The following NPL variants were observed in gnomAD, a reference collection of about 807,000 sequenced individuals.
NPL encodes the protein N-acetylneuraminate pyruvate lyase.
NPL carries 32 observed loss-of-function variants against 41.1 expected under a neutral mutation model. The ratio of observed to expected loss-of-function variants is 0.78; its 90% CI spans 0.59 to 1.05. The LOEUF is 1.05. Ranked by LOEUF, NPL falls within the 50% of genes least tolerant of loss-of-function variation. The pLI, the probability that NPL is intolerant of heterozygous loss-of-function variation, is 0.00. For synonymous variants in NPL, 128 were observed against 134.9 expected (o/e 0.95, Z 0.35); for missense variants, 321 against 378.4 (o/e 0.85, Z 1.26).
At chr1:182,804,980 G>A (rs1666963523) in intron 4 of NPL, among the ~76,000 whole-genome samples, 1 of 152,000 alleles carries the variant, frequency 6.6e-6, no homozygotes, top group Non-Finnish European at 1.5e-5. Context: ...TCAAAGAAGT[G>A]GTTAAAAATA....
intron 8 of NPL, among the ~76,000 whole-genome samples, chr1:182,817,761 A>G (rs1331613516): frequency 1.3e-5 from 2 of 149,022 alleles, no homozygotes; most frequent in Non-Finnish European, 2.9e-5. Flanking sequence ...ACAGATAAAC[A>G]ACCAGAGAAG....
At chr1:182,811,263 C>T (rs1301076551) in intron 5 of NPL, among the ~76,000 whole-genome samples, 1 of 151,950 alleles carries the variant, frequency 6.6e-6, no homozygotes, top group Non-Finnish European at 1.5e-5. Flanking sequence ...TGGTCTTGCT[C>T]TGTTGCCCAG....
At chr1:182,807,805 G>GGC (rs1215637690) in intron 5 of NPL, among the ~76,000 whole-genome samples, 1 of 150,822 alleles carries the variant, frequency 6.6e-6, no homozygotes, top group East Asian at 1.9e-4. Flanking sequence ...GCAGGAGAAT[G>GGC]GCGTGAACCT....
intron 8 of NPL, among the ~76,000 whole-genome samples, chr1:182,818,011 C>T (rs1011652591): frequency 5.3e-5 from 8 of 152,184 alleles, no homozygotes; most frequent in Non-Finnish European, 1.2e-4. Context: ...AGTTCCACCC[C>T]TCTAAGTACA....
Position 182,818,866 on chromosome 1 carries a change from A to G in NPL, c.653+7A>G. ...CAACTGGAGCAGTGGGCAGGTAAGC[A>G]TGACTCATTTTTCCCAGTGGTTATA... On this transcript the variant is annotated splice_region_variant and intron_variant, in intron 10 of 12. Coordinates refer to ENST00000367553, the MANE Select transcript of NPL (RefSeq NM_030769.3). The G allele has an allele frequency of 6.2e-7, 1 of 1,613,908 alleles. No homozygotes were observed. The highest frequency in any genetic ancestry group is 8.5e-7 in the Non-Finnish European group (1 of 1,179,762).
intron 4 of NPL, 79 bp downstream of exon 4, chr1:182,803,850 G>C: frequency 9.8e-7 from 1 of 1,021,536 alleles, no homozygotes; most frequent in South Asian, 1.3e-5. Flanking sequence ...TACCAGCCAA[G>C]AGGTCACACA....
intron 10 of NPL, among the ~76,000 whole-genome samples, chr1:182,821,902 C>T (rs1007997264): frequency 5.3e-5 from 8 of 152,164 alleles, no homozygotes; most frequent in African/African-American, 1.7e-4. Context: ...TCCTTTATCC[C>T]CTTTTGCCTG....
At chr1:182,821,587 G>A (rs1667487766) in intron 10 of NPL, among the ~76,000 whole-genome samples, 1 of 152,090 alleles carries the variant, frequency 6.6e-6, no homozygotes, top group Non-Finnish European at 1.5e-5. Context: ...AATATAATAG[G>A]CACTTAGTAA....
In NPL at chr1:182,824,686, A is replaced by G. The variant is rs187075731; in HGVS notation, c.739-1095A>G. Among the ~76,000 whole-genome samples, 466 of 152,198 alleles carry G rather than the reference A, an allele frequency of 3.1e-3. 2 individuals are homozygous for G. Among genetic ancestry groups the G allele is most frequent in the African/African-American group, 0.01 (433 of 41,534 alleles). ...GTGGCGGGCGCCTGTAGTCCCAGCT[A>G]CTTGGGAGGGTGAGGCAGGAGAATG... On this transcript the variant is annotated intron_variant, in intron 11 of 12. Coordinates refer to ENST00000367553, the MANE Select transcript of NPL (RefSeq NM_030769.3).
At chr1:182,797,405 A>G (rs944887615) in intron 3 of NPL, among the ~76,000 whole-genome samples, 2 of 152,188 alleles carry the variant, frequency 1.3e-5, no homozygotes, top group Non-Finnish European at 2.9e-5. Context: ...GCATTTTAAC[A>G]GTGTCCCAGA....
At chr1:182,806,505 C>G in intron 5 of NPL, 1 of 1,536,246 alleles carries the variant, frequency 6.5e-7, no homozygotes, top group Non-Finnish European at 8.7e-7. Flanking sequence ...CCAGTCCCCT[C>G]ACAGTTACCC....
chr1:182,829,171 A>G lies in NPL; in HGVS notation c.*263A>G. 1 of 1,323,024 alleles carries G rather than the reference A, an allele frequency of 7.6e-7. No homozygotes were observed. The highest frequency in any genetic ancestry group is 9.6e-7 in the Non-Finnish European group (1 of 1,037,670). The allele number at this position is 1,323,024 out of a possible 1,614,324, so 82.0% of individuals were successfully genotyped here. ...CTGTTTATATGGATGAAATGGAATCAAGAGGAAAATTGTAATTGATTAATT... is the reference window on the plus strand; with the variant it reads ...CTGTTTATATGGATGAAATGGAATCGAGAGGAAAATTGTAATTGATTAATT... On this transcript the variant is annotated 3_prime_UTR_variant, in exon 13 of 13. Transcript: ENST00000367553.
intron 11 of NPL, among the ~76,000 whole-genome samples, chr1:182,824,436 T>G (rs1667574847): frequency 1.3e-5 from 2 of 152,208 alleles, no homozygotes; most frequent in Admixed American, 1.3e-4. Flanking sequence ...AAAACAAATA[T>G]GTTAAGCATT....
At chr1:182,794,233 C>T (rs572438168) in intron 2 of NPL, 123 bp from the exon 3 acceptor site, 5 of 860,860 alleles carry the variant, frequency 5.8e-6, no homozygotes, top group African/African-American at 1.7e-5. Context: ...CTTGTACTTG[C>T]TCTGTGTGTT....
In NPL at chr1:182,806,227, G is replaced by T. The variant is rs1482398610; in HGVS notation, c.225G>T (p.Lys75Asn). Reference sequence around the variant, plus strand: ...CAGAGGAGTGGGTGACAAAAGGGAAGGACAAGTGAGTGGCTGCATGAGGAT... The same window carrying T: ...CAGAGGAGTGGGTGACAAAAGGGAATGACAAGTGAGTGGCTGCATGAGGAT... ...QVAEEWVTKG[K>N]DKLDQVIIHV... The change falls in exon 5 of 13, where the codon AAG becomes AAT. Residue 75 changes from lysine (K) to asparagine (N), a missense_variant. Lys to Asn is a moderately conservative substitution (Grantham distance 94). Transcript: ENST00000367553. The T allele has an allele frequency of 6.2e-7, 1 of 1,614,076 alleles. No individual in the cohort carries two copies. Among genetic ancestry groups the T allele is most frequent in the African/African-American group, 1.3e-5 (1 of 74,912 alleles).
chr1:182,819,647 A>G (rs1667435406), intron 10 of NPL, among the ~76,000 whole-genome samples: 1 of 152,058 alleles, frequency 6.6e-6, no homozygotes, highest in Non-Finnish European at 1.5e-5. Context: ...AAATTCAGTC[A>G]TTGTTTAGAA....
intron 5 of NPL, chr1:182,806,636 C>A: frequency 2.3e-6 from 3 of 1,278,172 alleles, no homozygotes; most frequent in Non-Finnish European, 3.2e-6. Flanking sequence ...CTTGTATTGG[C>A]CCACTTCTCC....
intron 2 of NPL, 127 bp from the exon 3 acceptor site, chr1:182,794,229 C>A: frequency 2.4e-6 from 2 of 849,256 alleles, no homozygotes; most frequent in South Asian, 1.3e-5. Context: ...CCATCTTGTA[C>A]TTGCTCTGTG....
intron 7 of NPL, among the ~76,000 whole-genome samples, chr1:182,815,087 A>G (rs935801987): frequency 6.6e-6 from 1 of 152,188 alleles, no homozygotes; most frequent in African/African-American, 2.4e-5. Context: ...TGGGTCATCC[A>G]CTGAGCCTGG....
Sources: allele counts gnomAD v4.1 joint callset (sites outside exome capture counted in the v4.1 genomes callset), GRCh38; gene constraint gnomAD v4.1.1; transcripts MANE v1.5; gene names NCBI Gene and HGNC (gene_info 2026-07-23, HGNC 2026-07-21).